Variants in SAMD15 observed in about 807,000 individuals in gnomAD.
SAMD15 encodes the protein sterile alpha motif domain containing 15.
In SAMD15, 37 loss-of-function variants were observed where a neutral mutation model predicts 50.5. The ratio of observed to expected loss-of-function variants is 0.73; its 90% CI spans 0.56 to 0.96. The LOEUF (loss-of-function observed/expected upper bound fraction) is 0.96, where lower values mean the gene tolerates loss of function less well. Among genes scored for constraint, SAMD15 ranks in the 40% least tolerant of loss-of-function variants. The pLI is 0.00. For missense variants in SAMD15, 789 were observed against 783.8 expected (o/e 1.01, Z -0.08); for synonymous variants, 255 against 282.8 (o/e 0.90, Z 0.99).
chr14:77,391,498 A>G lies in SAMD15; in HGVS notation c.*254A>G. ...ATGCCCAGCTAATTTTTGTATTTTT[A>G]GTAGATATGATGTTTCACCATGTTG... is the stretch of plus-strand genomic sequence containing the variant. On this transcript the variant is annotated 3_prime_UTR_variant, in exon 3 of 3. Transcript: ENST00000216471. The G allele has an allele frequency of 3.0e-6, 1 of 337,350 alleles. No individual in the cohort carries two copies. The allele number at this position is 337,350 out of a possible 1,614,324, so 20.9% of individuals were successfully genotyped here.
intron 1 of SAMD15, 31 bp downstream of exon 1, chr14:77,379,138 A>G (rs1198643815): frequency 6.3e-7 from 1 of 1,590,884 alleles, no homozygotes. Flanking sequence ...TTGAAATCAC[A>G]TGCTGTCATC....
In SAMD15 at chr14:77,377,628, C is replaced by G. The variant is rs45540040; in HGVS notation, c.210C>G (p.Asp70Glu). ...EEEDFKEGEP[D>E]SAKNVQLKPG... ...AGGACTTCAAAGAGGGGGAGCCAGA[C>G]AGTGCTAAGAACGTGCAGCTGAAAC... The change falls in exon 1 of 3, where the codon GAC becomes GAG. Residue 70 changes from aspartate to glutamate, a missense_variant. Asp to Glu is a conservative substitution (Grantham distance 45). Transcript: ENST00000216471. The G allele has an allele frequency of 3.1e-6, 5 of 1,613,940 alleles. No homozygotes were observed. The highest frequency in any genetic ancestry group is 4.2e-6 in the Non-Finnish European group (5 of 1,180,020).
At position 77,378,042 on chromosome 14, in the gene SAMD15, T is replaced by G. The variant is rs758968742; in HGVS notation, c.624T>G (p.Pro208=). Residue 208 remains proline, a synonymous_variant, in exon 1 of 3, where the codon CCT becomes CCG. Transcript: ENST00000216471. ...AACATGAAGAGACAGGTCTAGAGCC[T>G]CCAGAGCAGACCAAACAAGATTTTC... ...RVQHEETGLE[P]PEQTKQDFPS... 1.2e-6 allele frequency: 2 copies of G among 1,613,750 alleles called. No homozygotes were observed. The highest frequency in any genetic ancestry group is 1.1e-5 in the South Asian group (1 of 91,078).
rs1235080485 is a variant in SAMD15, at chr14:77,391,274, T to G, written c.*30T>G. The G allele has an allele frequency of 7.3e-7, 1 of 1,362,564 alleles. No homozygotes were observed. The highest frequency in any genetic ancestry group is 1.0e-6 in the Non-Finnish European group (1 of 964,536). 84.4% of individuals were successfully genotyped at this position (1,362,564 alleles called of 1,614,324 possible). On this transcript the variant is annotated 3_prime_UTR_variant, in exon 3 of 3. Coordinates refer to ENST00000216471, the MANE Select transcript of SAMD15 (RefSeq NM_001010860.4). ...AATCCACTTCACAGAGCTTGAAAGATCAAACTAAATTACTTGAGGGAAGAG... is the reference window on the plus strand; with the variant it reads ...AATCCACTTCACAGAGCTTGAAAGAGCAAACTAAATTACTTGAGGGAAGAG...
intron 1 of SAMD15, among the ~76,000 whole-genome samples, chr14:77,379,540 C>T (rs371317435): frequency 1.3e-5 from 2 of 152,068 alleles, no homozygotes; most frequent in African/African-American, 4.8e-5. Context: ...TACAGGCGCC[C>T]GCCACCATGC....
At chr14:77,389,683 T>C (rs2139653890) in intron 2 of SAMD15, among the ~76,000 whole-genome samples, 1 of 151,970 alleles carries the variant, frequency 6.6e-6, no homozygotes, top group South Asian at 2.1e-4. Flanking sequence ...GTATTTTTAG[T>C]AGAGATGGGG....
In SAMD15 at chr14:77,379,099, C is replaced by T. The variant is rs199842683; in HGVS notation, c.1681C>T (p.Gln561Ter). 2.4e-5 allele frequency: 39 copies of T among 1,612,556 alleles called. No homozygotes were observed. The highest frequency in any genetic ancestry group is 5.0e-5 in the Admixed American group (3 of 59,824). ...AEWISQLGFP[Q>*]YKECFITNFI... is the part of the protein sequence containing the mutation. ...GTGGATTAGCCAGCTAGGCTTCCCT[C>T]AATACAAGGTATACAAAAATAAGAT... The change falls in exon 1 of 3, where the codon CAA (glutamine) becomes TAA (stop). Residue 561 changes from glutamine to a stop codon, truncating the protein, a stop_gained. Transcript: ENST00000216471. LOFTEE classifies it high-confidence loss of function.
intron 1 of SAMD15, 72 bp from the exon 2 acceptor site, chr14:77,380,311 C>G: frequency 2.1e-6 from 2 of 932,364 alleles, no homozygotes; most frequent in Non-Finnish European, 3.6e-6. Context: ...TCTTCCCTTC[C>G]TCCCCCTTCC....
At position 77,377,887 on chromosome 14, in the gene SAMD15, ACAGATC is replaced by A. The variant is rs1452288715; in HGVS notation, c.479_484del (p.Asp160_Pro161del). 1 of 1,614,052 alleles carries A rather than the reference ACAGATC, an allele frequency of 6.2e-7. No homozygotes were observed. Among genetic ancestry groups the A allele is most frequent in the Non-Finnish European group, 8.5e-7 (1 of 1,180,016 alleles). ...TGTGTTCCTAGAGTCAGCTATGGAA[ACAGATC>A]CAGATCCAGTGCCACCAACGGAAAC... On this transcript the variant is annotated inframe_deletion, in exon 1 of 3. Transcript: ENST00000216471.
At chr14:77,379,245 T>C (rs1893913762) in intron 1 of SAMD15, 138 bp downstream of exon 1, 1 of 793,788 alleles carries the variant, frequency 1.3e-6, no homozygotes, top group South Asian at 1.9e-5. Context: ...GTAACTTGGA[T>C]TTTAATTTTG....
At chr14:77,380,523 G>A (rs1365213731) in intron 2 of SAMD15, 42 bp downstream of exon 2, 1 of 1,359,560 alleles carries the variant, frequency 7.4e-7, no homozygotes, top group Admixed American at 1.7e-5. Context: ...ACTGTTAACA[G>A]TGCCACCATC....
At position 77,378,184 on chromosome 14, in the gene SAMD15, C is replaced by T; in HGVS notation, c.766C>T (p.Pro256Ser). Reference sequence around the variant, plus strand: ...GTCAACTGAGAAGAAAAGGACAGAGCCACCCGAGCAGGCTAGACTGGAATT... The same window carrying T: ...GTCAACTGAGAAGAAAAGGACAGAGTCACCCGAGCAGGCTAGACTGGAATT... ...RESTEKKRTE[P>S]PEQARLEFLE... The change falls in exon 1 of 3, where the codon CCA (proline) becomes TCA (serine). Residue 256 changes from proline to serine, a missense_variant. By Grantham distance (74) the Pro-to-Ser change is moderately conservative. This residue lies in a region of SAMD15 where 770 missense variants were observed against 745.4 expected (regional missense o/e 1.03). Coordinates refer to ENST00000216471, the MANE Select transcript of SAMD15 (RefSeq NM_001010860.4). 1.2e-6 allele frequency: 2 copies of T among 1,613,828 alleles called. No individual in the cohort carries two copies. Among genetic ancestry groups the T allele is most frequent in the South Asian group, 2.2e-5 (2 of 91,050 alleles).
Position 77,392,158 on chromosome 14 carries a change from T to C in SAMD15, c.*914T>C, listed in dbSNP as rs1253253300. ...AAATATAATTAAAAATAAAATCTCC[T>C]GCCAACTCCGGAGAGATAATTCTTT... On this transcript the variant is annotated 3_prime_UTR_variant, in exon 3 of 3. Transcript: ENST00000216471. Among the ~76,000 whole-genome samples the C allele has an allele frequency of 6.6e-6, 1 of 152,186 alleles. No homozygotes were observed. Among genetic ancestry groups the C allele is most frequent in the Admixed American group, 6.5e-5 (1 of 15,268 alleles).
In SAMD15 at chr14:77,380,457, G is replaced by A. The variant is rs149879484; in HGVS notation, c.1764G>A (p.Gly588=). ...HVNCSNLPQM[G]ITNFEDMKAI... is the part of the protein sequence containing the mutation. ...ACTGCTCAAACCTCCCTCAGATGGG[G>A]ATAACAAACTTTGAGGACATGAAGG... is the stretch of plus-strand genomic sequence containing the variant. Residue 588 remains glycine (G), a synonymous_variant, in exon 2 of 3, where the codon GGG becomes GGA. Coordinates refer to ENST00000216471, the MANE Select transcript of SAMD15 (RefSeq NM_001010860.4). The A allele has an allele frequency of 1.6e-4, 260 of 1,613,364 alleles. No homozygotes were observed. The highest frequency in any genetic ancestry group is 2.1e-4 in the Non-Finnish European group (244 of 1,179,522).
In SAMD15 at chr14:77,378,622, A is replaced by C; in HGVS notation, c.1204A>C (p.Lys402Gln). Residue 402 changes from lysine (K) to glutamine (Q), a missense_variant, in exon 1 of 3, where the codon AAA becomes CAA. By Grantham distance (53) the Lys-to-Gln change is moderately conservative. Coordinates refer to ENST00000216471, the MANE Select transcript of SAMD15 (RefSeq NM_001010860.4). ...GAAAACACAAACAAAGCCAACTGAG[A>C]AAATTCTAGAGTTACCAGATGAAAC... is the stretch of plus-strand genomic sequence containing the variant. ...EEKTQTKPTE[K>Q]ILELPDETKP... 6.2e-7 allele frequency: 1 copy of C among 1,613,984 alleles called. No individual in the cohort carries two copies. The highest frequency in any genetic ancestry group is 8.5e-7 in the Non-Finnish European group (1 of 1,180,016).
At position 77,377,946 on chromosome 14, in the gene SAMD15, C is replaced by G. The variant is rs772577133; in HGVS notation, c.528C>G (p.Val176=). ...ETMSEVSGAT[V]RERNLELLEE... ...TGTCTGAGGTTTCGGGGGCCACAGT[C>G]AGAGAGAGAAATTTAGAATTACTAG... The change falls in exon 1 of 3, where the codon GTC becomes GTG. Residue 176 remains valine, a synonymous_variant. Transcript: ENST00000216471. 5.0e-6 allele frequency: 8 copies of G among 1,613,966 alleles called. No individual in the cohort carries two copies. In the South Asian group the frequency reaches 7.7e-5, roughly 16 times the overall value.
chr14:77,379,652 A>G (rs1406307989), intron 1 of SAMD15, among the ~76,000 whole-genome samples: 2 of 152,050 alleles, frequency 1.3e-5, no homozygotes, highest in Admixed American at 6.6e-5. Flanking sequence ...CAGCCTCCCA[A>G]AGTGCTGGGA....
intron 2 of SAMD15, among the ~76,000 whole-genome samples, chr14:77,385,781 A>T (rs1258892177): frequency 6.6e-6 from 1 of 150,748 alleles, no homozygotes; most frequent in Non-Finnish European, 1.5e-5. Context: ...CAGTGAGATT[A>T]TGTCTTACTC....
At chr14:77,382,349 T>C (rs1893953266) in intron 2 of SAMD15, among the ~76,000 whole-genome samples, 1 of 152,128 alleles carries the variant, frequency 6.6e-6, no homozygotes, top group African/African-American at 2.4e-5. Context: ...GGTCTTGATT[T>C]CTTGACCTCG....
Sources: allele counts gnomAD v4.1 joint callset (sites outside exome capture counted in the v4.1 genomes callset), GRCh38; gene constraint gnomAD v4.1.1; regional missense constraint gnomAD v4.1.1; transcripts MANE v1.5; gene names NCBI Gene and HGNC (gene_info 2026-07-23, HGNC 2026-07-21).